UBXN2B: variants seen among roughly 807,000 people sequenced by gnomAD.
UBXN2B encodes UBX domain-containing protein 2B.
Under a neutral mutation model 37.5 loss-of-function variants are expected in UBXN2B, and 19 were observed. The ratio of observed to expected loss-of-function variants is 0.51; its 90% CI spans 0.35 to 0.74. The LOEUF (loss-of-function observed/expected upper bound fraction) is 0.74, where lower values mean the gene tolerates loss of function less well. Among genes scored for constraint, UBXN2B ranks in the 30% least tolerant of loss-of-function variants. UBXN2B has a pLI of 0.01. For synonymous variants in UBXN2B, 145 were observed against 143.8 expected (o/e 1.01, Z -0.06); for missense variants, 370 against 393.2 (o/e 0.94, Z 0.50).
intron 6 of UBXN2B, among the ~76,000 whole-genome samples, chr8:58,443,938 G>A (rs373443139): frequency 6.6e-5 from 10 of 152,062 alleles, no homozygotes; most frequent in East Asian, 1.9e-4. Flanking sequence ...TCTGTGACTC[G>A]GTTTCTTTTA....
At position 58,439,876 on chromosome 8, in the gene UBXN2B, T is replaced by C. The variant is rs1167577240; in HGVS notation, c.671+106T>C. The C allele has an allele frequency of 1.6e-5, 17 of 1,041,472 alleles. No individual in the cohort carries two copies. In the East Asian group the frequency reaches 3.9e-4, roughly 24 times the overall value. The allele number at this position is 1,041,472 out of a possible 1,614,324, so 64.5% of individuals were successfully genotyped here. A position where few individuals can be genotyped will look rare whatever the true frequency, so the allele number is the denominator to read the frequency against. ...AAGTAAAAAACAAAAATATGAACCATGCACATTAGATATATACATCTGTTA... is the reference window on the plus strand; with the variant it reads ...AAGTAAAAAACAAAAATATGAACCACGCACATTAGATATATACATCTGTTA... On this transcript the variant is annotated intron_variant, in intron 6 of 7. Coordinates refer to ENST00000399598, the MANE Select transcript of UBXN2B (RefSeq NM_001077619.2).
chr8:58,427,425 T>A (rs925439584), intron 2 of UBXN2B, among the ~76,000 whole-genome samples: 3 of 152,190 alleles, frequency 2.0e-5, no homozygotes, highest in African/African-American at 7.2e-5. Context: ...ATCACGCCAC[T>A]GCACTCTAGC....
chr8:58,445,916 T>A lies in UBXN2B; in HGVS notation c.681T>A (p.Pro227=), dbSNP rs1273286258. 2 of 1,595,036 alleles carry A rather than the reference T, an allele frequency of 1.3e-6. No homozygotes were observed. The highest frequency in any genetic ancestry group is 1.7e-6 in the Non-Finnish European group (2 of 1,173,160). The part of the protein sequence containing the change: ...GEGQKLGSLT[P]EIVSTPSSPE... ...AATTCCTCTTTTTTAGCCTTACACCTGAAATAGTCAGTACACCTTCCTCTC... is the reference window on the plus strand; with the variant it reads ...AATTCCTCTTTTTTAGCCTTACACCAGAAATAGTCAGTACACCTTCCTCTC... The change falls in exon 7 of 8, where the codon CCT becomes CCA. Residue 227 remains proline (P), a synonymous_variant. Transcript: ENST00000399598.
At position 58,447,423 on chromosome 8, in the gene UBXN2B, C is replaced by T. The variant is rs749749536; in HGVS notation, c.868C>T (p.Arg290Cys). ...TGTCCGGAACTTTATTGTACAGTCT[C>T]GTCCTGAATTTGCGGCTCTTGACTT... ...LDVRNFIVQS[R>C]PEFAALDFIL... is the part of the protein sequence containing the mutation. Residue 290 changes from arginine to cysteine, a missense_variant, in exon 8 of 8, where the codon CGT (arginine) becomes TGT (cysteine). By Grantham distance (180) the Arg-to-Cys change is radical. Transcript: ENST00000399598. 33 of 1,611,954 alleles carry T rather than the reference C, an allele frequency of 2.0e-5. No individual in the cohort carries two copies. The highest frequency in any genetic ancestry group is 1.8e-4 in the Middle Eastern group (1 of 5,616).
In UBXN2B at chr8:58,446,033, G is replaced by A. The variant is rs1203505619; in HGVS notation, c.798G>A (p.Gly266=). The change falls in exon 7 of 8, where the codon GGG becomes GGA. Residue 266 remains glycine, a synonymous_variant. Transcript: ENST00000399598. The part of the protein sequence containing the change: ...TTKIQIRLAD[G]SRLIQRFNST... Reference sequence around the variant, plus strand: ...AAATTCAAATCAGGTTAGCAGATGGGAGTCGTTTGATACAAAGATTCAATA... The same window carrying A: ...AAATTCAAATCAGGTTAGCAGATGGAAGTCGTTTGATACAAAGATTCAATA... 3 of 1,612,320 alleles carry A rather than the reference G, an allele frequency of 1.9e-6. No homozygotes were observed. The highest frequency in any genetic ancestry group is 2.7e-5 in the African/African-American group (2 of 74,868).
intron 6 of UBXN2B, 97 bp from the exon 7 acceptor site, chr8:58,445,810 G>T: frequency 9.4e-7 from 1 of 1,059,854 alleles, no homozygotes; most frequent in South Asian, 2.1e-5. Context: ...AGAAGTATAG[G>T]AGACTCAAAT....
At chr8:58,416,623 G>A (rs1159814464) in intron 1 of UBXN2B, among the ~76,000 whole-genome samples, 1 of 152,146 alleles carries the variant, frequency 6.6e-6, no homozygotes, top group East Asian at 1.9e-4. Context: ...AAATAATCAA[G>A]TAATTATTAT....
At chr8:58,434,897 T>TAA (rs1808373549) in intron 5 of UBXN2B, 3 of 1,535,522 alleles carry the variant, frequency 2.0e-6, no homozygotes, top group African/African-American at 1.4e-5. Flanking sequence ...TTCAGCAACT[T>TAA]ATGTTAGAAA....
At chr8:58,444,943 G>A (rs972740130) in intron 6 of UBXN2B, among the ~76,000 whole-genome samples, 3 of 152,132 alleles carry the variant, frequency 2.0e-5, no homozygotes, top group Non-Finnish European at 4.4e-5. Flanking sequence ...TTGGACTAAA[G>A]CCCAAATGCT....
chr8:58,427,502 A>C (rs1485685512), intron 2 of UBXN2B, among the ~76,000 whole-genome samples: 1 of 152,366 alleles, frequency 6.6e-6, no homozygotes, highest in Non-Finnish European at 1.5e-5. Flanking sequence ...GGTAGTGTCA[A>C]TGGAACGGAG....
At chr8:58,424,695 G>GC in intron 2 of UBXN2B, 2 of 1,333,438 alleles carry the variant, frequency 1.5e-6, no homozygotes, top group East Asian at 4.6e-5. Context: ...GGCGGGGGGG[G>GC]GGGCTCTGAT....
In UBXN2B at chr8:58,411,497, G is replaced by A; in HGVS notation, c.84+28G>A. The stretch of plus-strand genomic sequence containing the variant: ...GAGGCGAGGAGCCGGGGGAGGGAGC[G>A]CGGCGGTGGACGCGGGCTGGTGACG... On this transcript the variant is annotated intron_variant, in intron 1 of 7. Transcript: ENST00000399598. 4.8e-6 allele frequency: 6 copies of A among 1,247,484 alleles called. No individual in the cohort carries two copies. The Admixed American group carries it at 2.1e-4, about 44-fold the overall frequency. 77.3% of individuals were successfully genotyped at this position (1,247,484 alleles called of 1,614,324 possible). A position where few individuals can be genotyped will look rare whatever the true frequency, so the allele number is the denominator to read the frequency against.
At chr8:58,436,885 T>A (rs1214200413) in intron 5 of UBXN2B, among the ~76,000 whole-genome samples, 1 of 152,214 alleles carries the variant, frequency 6.6e-6, no homozygotes, top group African/African-American at 2.4e-5. Flanking sequence ...ATAAACCTTT[T>A]TGCTTTATAA....
intron 6 of UBXN2B, 105 bp downstream of exon 6, chr8:58,439,875 A>G (rs1277202135): frequency 6.5e-6 from 7 of 1,069,962 alleles, no homozygotes; most frequent in Admixed American, 5.8e-5. Flanking sequence ...AATATGAACC[A>G]TGCACATTAG....
intron 2 of UBXN2B, among the ~76,000 whole-genome samples, chr8:58,422,443 T>C (rs558726109): frequency 6.6e-6 from 1 of 152,292 alleles, no homozygotes; most frequent in East Asian, 1.9e-4. Flanking sequence ...TTTATTACCA[T>C]CACAAAAGTC....
chr8:58,420,439 C>G (rs967215936), intron 2 of UBXN2B, among the ~76,000 whole-genome samples: 5 of 152,128 alleles, frequency 3.3e-5, no homozygotes, highest in Admixed American at 1.3e-4. Context: ...GTATAATAAA[C>G]AGCATATTAT....
chr8:58,417,353 T>C (rs1000941753), intron 2 of UBXN2B, among the ~76,000 whole-genome samples: 1 of 152,186 alleles, frequency 6.6e-6, no homozygotes, highest in African/African-American at 2.4e-5. Flanking sequence ...AGTTTGTCAT[T>C]CGTTTTTAAG....
At chr8:58,447,036 T>C (rs1394347391) in intron 7 of UBXN2B, among the ~76,000 whole-genome samples, 1 of 151,884 alleles carries the variant, frequency 6.6e-6, no homozygotes, top group African/African-American at 2.4e-5. Flanking sequence ...TGGCCTCAAG[T>C]GATCTGCCCA....
At chr8:58,425,319 T>C (rs1808052360) in intron 2 of UBXN2B, 1 of 1,159,014 alleles carries the variant, frequency 8.6e-7, no homozygotes, top group Non-Finnish European at 1.3e-6. Flanking sequence ...TGACAATCAC[T>C]CAGGAGTTTT....
Sources: allele counts gnomAD v4.1 joint callset (sites outside exome capture counted in the v4.1 genomes callset), GRCh38; gene constraint gnomAD v4.1.1; transcripts MANE v1.5; gene names NCBI Gene and HGNC (gene_info 2026-07-23, HGNC 2026-07-21).